MSRA: variants seen among roughly 807,000 people sequenced by gnomAD.
The protein encoded by MSRA is methionine sulfoxide reductase A.
MSRA carries 54 observed loss-of-function variants against 31.3 expected under a neutral mutation model. That is an observed-to-expected ratio of 1.73 (90% CI 1.39 to 2.17). The LOEUF is 2.17. Ranked by LOEUF, MSRA falls within the 30% of genes most tolerant of loss-of-function variation. The probability of loss-of-function intolerance (pLI) is 0.00; values close to 1 mark genes in which losing one functional copy is unlikely to be tolerated. For missense variants in MSRA, 507 were observed against 300.9 expected, an observed-to-expected ratio of 1.69 and a Z score of -5.07; for synonymous variants, 169 against 116.5, an observed-to-expected ratio of 1.45 and a Z score of -2.90.
At chr8:10,399,747 A>G (rs952774456) in intron 5 of MSRA, among the ~76,000 whole-genome samples, 1 of 152,164 alleles carries the variant, frequency 6.6e-6, no homozygotes, top group Non-Finnish European at 1.5e-5. Flanking sequence ...TGGTAGCGCT[A>G]CATAGGAGGG....
intron 1 of MSRA, among the ~76,000 whole-genome samples, chr8:10,066,574 C>G (rs931184872): frequency 6.6e-6 from 1 of 151,982 alleles, no homozygotes; most frequent in Non-Finnish European, 1.5e-5. Context: ...ACTGTTGTTA[C>G]CCATGCTGGA....
chr8:10,291,119 C>T (rs543119641), intron 3 of MSRA, among the ~76,000 whole-genome samples: 139 of 152,296 alleles, frequency 9.1e-4, no homozygotes, highest in African/African-American at 3.2e-3. Context: ...CAGTTAGAAA[C>T]CTCCAGTGCA....
chr8:10,315,959 C>T (rs1801688609), intron 4 of MSRA, among the ~76,000 whole-genome samples: 1 of 152,144 alleles, frequency 6.6e-6, no homozygotes, highest in African/African-American at 2.4e-5. Flanking sequence ...AAGAAATCAC[C>T]ACATCTTGTC....
chr8:10,078,871 T>G (rs555248825), intron 1 of MSRA, among the ~76,000 whole-genome samples: 2 of 152,224 alleles, frequency 1.3e-5, no homozygotes, highest in South Asian at 4.1e-4. Flanking sequence ...ATGGATGCCT[T>G]CCTTATCCTT....
At chr8:10,148,451 A>G (rs989144781) in intron 1 of MSRA, among the ~76,000 whole-genome samples, 3 of 152,038 alleles carry the variant, frequency 2.0e-5, no homozygotes, top group African/African-American at 7.2e-5. Flanking sequence ...GTTCCAGCCC[A>G]GCCTGGCCAA....
intron 5 of MSRA, among the ~76,000 whole-genome samples, chr8:10,323,805 T>C (rs538209450): frequency 2.6e-4 from 39 of 151,884 alleles, no homozygotes; most frequent in Non-Finnish European, 4.7e-4. Flanking sequence ...TGTCTGCATG[T>C]CTATGTGTCT....
intron 3 of MSRA, among the ~76,000 whole-genome samples, chr8:10,300,297 C>G (rs1800773492): frequency 6.6e-6 from 1 of 151,928 alleles, no homozygotes; most frequent in African/African-American, 2.4e-5. Context: ...ACCCTGTTGC[C>G]AAGGCTGGAG....
intron 5 of MSRA, among the ~76,000 whole-genome samples, chr8:10,321,812 C>T (rs927294682): frequency 4.6e-5 from 7 of 152,164 alleles, no homozygotes; most frequent in Non-Finnish European, 1.0e-4. Flanking sequence ...CCCTCAACCC[C>T]AGTCAAGCCT....
rs570166438 is a variant in MSRA, at chr8:10,110,219, CAAG to C, written c.142+55564_142+55566del. On this transcript the variant is annotated intron_variant, in intron 1 of 5. Transcript: ENST00000317173. ...TATCTTTGTGAAGCTGGGTTTGAAA[CAAG>C]AAAGGTTTGGACTGTTTCAGTGGAT... 1.6e-3 allele frequency among the ~76,000 whole-genome samples: 240 copies of C among 152,316 alleles called. 2 individuals carry two copies. The highest frequency in any genetic ancestry group is 0.01 in the Middle Eastern group (3 of 294).
intron 1 of MSRA, among the ~76,000 whole-genome samples, chr8:10,132,590 GGT>G (rs1460881832): frequency 6.6e-6 from 1 of 152,148 alleles, no homozygotes; most frequent in Admixed American, 6.5e-5. Flanking sequence ...GTTTACAGGT[GGT>G]CACCTTCTTG....
At chr8:10,258,767 C>G (rs947147590) in intron 3 of MSRA, among the ~76,000 whole-genome samples, 1 of 152,210 alleles carries the variant, frequency 6.6e-6, no homozygotes, top group Non-Finnish European at 1.5e-5. Context: ...GGCTTTCCCT[C>G]AGATTGTTCA....
chr8:10,409,828 G>A (rs1032935005), intron 5 of MSRA, among the ~76,000 whole-genome samples: 1 of 152,244 alleles, frequency 6.6e-6, no homozygotes, highest in Admixed American at 6.5e-5. Context: ...TTGGAAGGCT[G>A]AGGTGGGAGG....
chr8:10,198,108 G>T (rs1808158369), intron 1 of MSRA, among the ~76,000 whole-genome samples: 1 of 152,024 alleles, frequency 6.6e-6, no homozygotes, highest in East Asian at 1.9e-4. Context: ...TTCAAGCGTT[G>T]CTTTCAGTTT....
intron 1 of MSRA, chr8:10,096,400 A>G (rs1488505763): frequency 3.5e-6 from 2 of 570,424 alleles, no homozygotes; most frequent in African/African-American, 4.0e-5. Flanking sequence ...TATGTCTAAG[A>G]GATGTATGCG....
Position 10,093,150 on chromosome 8 carries a change from A to C in MSRA, c.142+38492A>C, listed in dbSNP as rs371638496. On this transcript the variant is annotated intron_variant, in intron 1 of 5. Coordinates refer to ENST00000317173, the MANE Select transcript of MSRA (RefSeq NM_012331.5). ...AAATTTTAATCCGTTCTGCCAATCT[A>C]TGTCTTTTAATTGGAGTGTTTAATT... Among the ~76,000 whole-genome samples the C allele has an allele frequency of 1.8e-4, 28 of 152,184 alleles. 3 individuals carry two copies. The East Asian group carries it at 3.3e-3, about 18-fold the overall frequency.
At chr8:10,058,547 G>A (rs1216756229) in intron 1 of MSRA, among the ~76,000 whole-genome samples, 1 of 151,588 alleles carries the variant, frequency 6.6e-6, no homozygotes, top group Non-Finnish European at 1.5e-5. Flanking sequence ...TCCTCTCAAA[G>A]CATTGTCTAG....
At chr8:10,231,254 C>T (rs887295118) in intron 2 of MSRA, among the ~76,000 whole-genome samples, 9 of 152,010 alleles carry the variant, frequency 5.9e-5, no homozygotes, top group African/African-American at 1.7e-4. Flanking sequence ...CTGCTGTCAC[C>T]GTCTAGCTGG....
At chr8:10,055,347 C>T (rs189875123) in intron 1 of MSRA, among the ~76,000 whole-genome samples, 64 of 152,354 alleles carry the variant, frequency 4.2e-4, no homozygotes, top group African/African-American at 1.5e-3. Context: ...GAAAAATGTT[C>T]ACGTGCTTCG....
chr8:10,258,389 C>G lies in MSRA; in HGVS notation c.331+13166C>G, dbSNP rs144541777. On this transcript the variant is annotated intron_variant, in intron 3 of 5. Transcript: ENST00000317173. Reference sequence around the variant, plus strand: ...CTCACTGGCTAATTGGAAAGCAGGACCTGTTATTATGTAAAGGCTCCTGTC... The same window carrying G: ...CTCACTGGCTAATTGGAAAGCAGGAGCTGTTATTATGTAAAGGCTCCTGTC... Among the ~76,000 whole-genome samples, 919 of 152,272 alleles carry G rather than the reference C, an allele frequency of 6.0e-3. 6 individuals are homozygous for G. Among genetic ancestry groups the G allele is most frequent in the African/African-American group, 0.021 (878 of 41,548 alleles).
Sources: gnomAD v4.1 joint callset for allele counts (sites outside exome capture counted in the v4.1 genomes callset) on GRCh38, gnomAD v4.1.1 for gene constraint, MANE v1.5 for transcripts, NCBI Gene and HGNC (gene_info 2026-07-23, HGNC 2026-07-21) for gene names.